Variants in WARS2 observed in about 807,000 individuals in gnomAD.
WARS2 encodes the protein tryptophan--tRNA ligase, mitochondrial.
Under a neutral mutation model 36.5 loss-of-function variants are expected in WARS2, and 28 were observed. The observed-to-expected ratio is 0.77, with a 90% CI of 0.57 to 1.05. WARS2 has a LOEUF of 1.05. Among genes scored for constraint, WARS2 ranks in the 50% least tolerant of loss-of-function variants. WARS2 has a pLI of 0.00. For synonymous variants in WARS2, 174 were observed against 178.4 expected (o/e 0.98, Z 0.20); for missense variants, 435 against 456.8 (o/e 0.95, Z 0.44).
chr1:119,106,497 C>A (rs769399034), intron 1 of WARS2, among the ~76,000 whole-genome samples: 49 of 152,150 alleles, frequency 3.2e-4, no homozygotes, highest in Admixed American at 8.5e-4. Context: ...GCCTGGGTAA[C>A]CACTAGGCTT....
chr1:119,051,425 T>G (rs1649341704), intron 2 of WARS2, among the ~76,000 whole-genome samples: 1 of 152,258 alleles, frequency 6.6e-6, no homozygotes, highest in African/African-American at 2.4e-5. Context: ...GTACATTTTC[T>G]TTATTCAATC....
At chr1:119,129,576 G>A (rs1430228676) in intron 1 of WARS2, among the ~76,000 whole-genome samples, 1 of 152,092 alleles carries the variant, frequency 6.6e-6, no homozygotes, top group Non-Finnish European at 1.5e-5. Flanking sequence ...CAAATGTGGT[G>A]GTTTGTGCCT....
intron 4 of WARS2, among the ~76,000 whole-genome samples, chr1:119,035,520 C>T (rs368370722): frequency 6.6e-6 from 1 of 151,940 alleles, no homozygotes; most frequent in Non-Finnish European, 1.5e-5. Context: ...ACTATATATT[C>T]ATTAATATCT....
At chr1:119,131,204 C>G (rs1435537777) in intron 1 of WARS2, among the ~76,000 whole-genome samples, 1 of 152,122 alleles carries the variant, frequency 6.6e-6, no homozygotes, top group African/African-American at 2.4e-5. Context: ...TGTTTTAAAA[C>G]ACTTTATTGT....
intron 2 of WARS2, among the ~76,000 whole-genome samples, chr1:119,074,252 T>A (rs1228093211): frequency 1.3e-5 from 2 of 152,192 alleles, no homozygotes; most frequent in Non-Finnish European, 2.9e-5. Context: ...TGAGATAGGA[T>A]GACCAAGAAG....
intron 1 of WARS2, chr1:119,082,403 G>C (rs1167712571): frequency 2.0e-5 from 20 of 985,250 alleles, no homozygotes; most frequent in Non-Finnish European, 2.4e-5. Flanking sequence ...ATGAAATTTA[G>C]CTATCAGAAA....
At chr1:119,051,530 T>C (rs1649352147) in intron 2 of WARS2, among the ~76,000 whole-genome samples, 2 of 152,164 alleles carry the variant, frequency 1.3e-5, no homozygotes, top group Admixed American at 1.3e-4. Flanking sequence ...GGTAGAACGA[T>C]TTACATTCCT....
intron 1 of WARS2, among the ~76,000 whole-genome samples, chr1:119,086,673 T>C (rs1652695053): frequency 1.3e-5 from 2 of 152,158 alleles, no homozygotes; most frequent in Non-Finnish European, 2.9e-5. Flanking sequence ...TGAAACTGTC[T>C]TCCTCAGGGT....
At chr1:119,118,661 A>G (rs1435617233) in intron 1 of WARS2, among the ~76,000 whole-genome samples, 1 of 143,592 alleles carries the variant, frequency 7.0e-6, no homozygotes, top group African/African-American at 2.5e-5. Flanking sequence ...GAAGGAAAAC[A>G]TCTTAAGAGC....
chr1:119,107,147 G>C (rs373504485), intron 1 of WARS2, among the ~76,000 whole-genome samples: 37 of 152,002 alleles, frequency 2.4e-4, no homozygotes, highest in African/African-American at 8.2e-4. Flanking sequence ...TTTTCAACTG[G>C]GTTGTTCATT....
chr1:119,103,236 C>T lies in WARS2; in HGVS notation c.91-26629G>A, dbSNP rs587667440. Among the ~76,000 whole-genome samples, 417 of 152,208 alleles carry T rather than the reference C, an allele frequency of 2.7e-3. 2 individuals are homozygous for T. Among genetic ancestry groups the T allele is most frequent in the Admixed American group, 4.8e-3 (74 of 15,272 alleles). On this transcript the variant is annotated intron_variant, in intron 1 of 5. Transcript: ENST00000235521. ...TGTGGTTTTTTGTTTGTTTCTTTTT[C>T]ACCAGAGGAGTCTTGCCGTTTCTGT...
At chr1:119,056,662 C>G (rs949226028) in intron 2 of WARS2, among the ~76,000 whole-genome samples, 3 of 151,352 alleles carry the variant, frequency 2.0e-5, no homozygotes, top group African/African-American at 7.3e-5. Context: ...AATCTATACA[C>G]CAATCAAGAT....
At chr1:119,082,418 C>T (rs1652268199) in intron 1 of WARS2, 1 of 985,396 alleles carries the variant, frequency 1.0e-6, no homozygotes, top group Non-Finnish European at 1.2e-6. Flanking sequence ...CAGAAACATG[C>T]CCTGGCCCTT....
intron 1 of WARS2, among the ~76,000 whole-genome samples, chr1:119,125,903 T>C (rs1655621405): frequency 6.6e-6 from 1 of 152,228 alleles, no homozygotes; most frequent in Non-Finnish European, 1.5e-5. Context: ...TCTCATGTTA[T>C]ACCCTGGGCC....
intron 1 of WARS2, 48 bp downstream of exon 1, chr1:119,140,507 A>G (rs761190735): frequency 6.4e-7 from 1 of 1,568,564 alleles, no homozygotes; most frequent in East Asian, 2.2e-5. Context: ...GGATGAGAAG[A>G]ACCTCGCGGG....
rs587695664 is a variant in WARS2, at chr1:119,105,661, C to T, written c.91-29054G>A. 3.3e-5 allele frequency among the ~76,000 whole-genome samples: 5 copies of T among 152,330 alleles called. No individual in the cohort carries two copies. The South Asian group carries it at 1.0e-3, about 32-fold the overall frequency. On this transcript the variant is annotated intron_variant, in intron 1 of 5. Transcript: ENST00000235521. ...CATAATTGGCTCACACCTATAATCT[C>T]AGCACTTTGGGAGGCCTAGGTGAGC... is the stretch of plus-strand genomic sequence containing the variant.
chr1:119,080,975 T>G (rs1289257775), intron 1 of WARS2, among the ~76,000 whole-genome samples: 10 of 152,220 alleles, frequency 6.6e-5, no homozygotes, highest in Non-Finnish European at 1.5e-5. Context: ...AAAGTAGGTC[T>G]TCATTTCATT....
intron 2 of WARS2, among the ~76,000 whole-genome samples, chr1:119,055,650 AAAAC>A (rs1436833056): frequency 2.0e-5 from 3 of 151,982 alleles, no homozygotes; most frequent in Non-Finnish European, 2.9e-5. Flanking sequence ...CCAAAAAGAA[AAAAC>A]AAACAAACAA....
At chr1:119,050,077 T>C (rs1456013206) in intron 2 of WARS2, among the ~76,000 whole-genome samples, 4 of 152,164 alleles carry the variant, frequency 2.6e-5, no homozygotes, top group African/African-American at 7.2e-5. Flanking sequence ...GGCAAAGTCA[T>C]CTCCTCCGTT....
Sources: allele counts gnomAD v4.1 joint callset (sites outside exome capture counted in the v4.1 genomes callset), GRCh38; gene constraint gnomAD v4.1.1; transcripts MANE v1.5; gene names NCBI Gene and HGNC (gene_info 2026-07-23, HGNC 2026-07-21).